HGS: variants seen among roughly 807,000 people sequenced by gnomAD.
The protein encoded by HGS is human growth factor-regulated tyrosine kinase substrate.
A neutral mutation model predicts 109.7 loss-of-function variants in HGS; 63 were observed. The ratio of observed to expected loss-of-function variants is 0.57; its 90% confidence interval spans 0.47 to 0.71. HGS has a LOEUF of 0.71. HGS is among the 30% of genes least tolerant of loss of function. The pLI is 0.00. For synonymous variants in HGS, 546 were observed against 437.3 expected (o/e 1.25, Z -3.10); for missense variants, 995 against 1,068.3 (o/e 0.93, Z 0.96).
At chr17:81,693,140 T>C (rs1489443572) in intron 8 of HGS, 3 of 254,968 alleles carry the variant, frequency 1.2e-5, no homozygotes. Flanking sequence ...GGCATGACAG[T>C]CACTGACCTG....
At position 81,693,937 on chromosome 17, in the gene HGS, C is replaced by G; in HGVS notation, c.908C>G (p.Pro303Arg). 6.2e-7 allele frequency: 1 copy of G among 1,611,384 alleles called. No homozygotes were observed. Among genetic ancestry groups the G allele is most frequent in the Non-Finnish European group, 8.5e-7 (1 of 1,179,758 alleles). Residue 303 changes from proline to arginine, a missense_variant, in exon 11 of 22, where the codon CCC (proline) becomes CGC (arginine). By Grantham distance (103) the Pro-to-Arg change is moderately radical (BLOSUM62 -2). Transcript: ENST00000329138. ...ATGCCCTCGGCCTCCTCAGCGCCCCCCGCCAGCAGCCTGTACTCTTCACCT... is the reference window on the plus strand; with the variant it reads ...ATGCCCTCGGCCTCCTCAGCGCCCCGCGCCAGCAGCCTGTACTCTTCACCT... ...EPMPSASSAP[P>R]ASSLYSSPVN... is the part of the protein sequence containing the mutation.
chr17:81,685,910 G>T (rs1171412250), intron 2 of HGS, among the ~76,000 whole-genome samples: 2 of 152,136 alleles, frequency 1.3e-5, no homozygotes, highest in African/African-American at 2.4e-5. Flanking sequence ...TTGCTTCGGG[G>T]TTCTCAAAGA....
chr17:81,691,408 C>T lies in HGS; in HGVS notation c.538-39C>T, dbSNP rs907924924. 1.9e-6 allele frequency: 3 copies of T among 1,611,850 alleles called. No homozygotes were observed. The highest frequency in any genetic ancestry group is 1.7e-5 in the Admixed American group (1 of 59,992). ...GGGCCGGGTGGCGCATCAGGGTCCC[C>T]CAGTGCCTGTGACCAGGCCCGCCCG... On this transcript the variant is annotated intron_variant, in intron 7 of 21. Coordinates refer to ENST00000329138, the MANE Select transcript of HGS (RefSeq NM_004712.5). The surrounding 1 kb of genome is among the most constrained non-coding windows in gnomAD (Gnocchi z 5.3).
At chr17:81,694,719 C>T in intron 11 of HGS, 96 bp from the exon 12 acceptor site, 2 of 1,492,340 alleles carry the variant, frequency 1.3e-6, no homozygotes, top group Non-Finnish European at 1.9e-6. Flanking sequence ...GGCTGCGGCT[C>T]TGGTCTCCAG....
chr17:81,699,064 C>T (rs2037194829), intron 18 of HGS, among the ~76,000 whole-genome samples: 1 of 145,658 alleles, frequency 6.9e-6, no homozygotes, highest in Admixed American at 6.8e-5. Flanking sequence ...GAGACTCCGT[C>T]TCAAAAAAAA....
At chr17:81,698,759 C>T (rs975881490) in intron 18 of HGS, among the ~76,000 whole-genome samples, 14 of 152,140 alleles carry the variant, frequency 9.2e-5, no homozygotes, top group African/African-American at 3.4e-4. Context: ...ATACATGCGT[C>T]TTTGTATATG....
chr17:81,689,848 C>T (rs542235034), intron 5 of HGS, among the ~76,000 whole-genome samples: 9 of 152,322 alleles, frequency 5.9e-5, no homozygotes, highest in South Asian at 2.1e-4. Flanking sequence ...AAGGTCTTGT[C>T]CTCAGGATCA....
Position 81,700,793 on chromosome 17 carries a change from C to G in HGS, c.2115C>G (p.Gly705=). ...GYMGSQSVSM[G]YQPYNMQNLM... ...TGGGGAGCCAGTCAGTCTCCATGGG[C>G]TACCAGCCTTACAACATGCAGGTAC... is the stretch of plus-strand genomic sequence containing the variant. Residue 705 remains glycine, a synonymous_variant, in exon 20 of 22, where the codon GGC becomes GGG. Coordinates refer to ENST00000329138, the MANE Select transcript of HGS (RefSeq NM_004712.5). 4.3e-6 allele frequency: 7 copies of G among 1,612,442 alleles called. No individual in the cohort carries two copies. Among genetic ancestry groups the G allele is most frequent in the Non-Finnish European group, 5.9e-6 (7 of 1,179,756 alleles).
At chr17:81,687,238 G>A (rs1232190072) in intron 4 of HGS, 143 bp downstream of exon 4, 8 of 650,596 alleles carry the variant, frequency 1.2e-5, no homozygotes, top group Non-Finnish European at 1.9e-5. Flanking sequence ...CACTGCGCAA[G>A]CTCGCACTCA....
At chr17:81,684,868 A>C (rs2036948675) in intron 1 of HGS, 1 of 979,294 alleles carries the variant, frequency 1.0e-6, no homozygotes, top group Non-Finnish European at 1.2e-6. Context: ...ACCAGCAAGC[A>C]GACTGAGTAT....
intron 4 of HGS, 135 bp from the exon 5 acceptor site, chr17:81,688,569 A>C: frequency 9.1e-7 from 1 of 1,100,730 alleles, no homozygotes; most frequent in Non-Finnish European, 1.3e-6. Context: ...CCCACGCCCC[A>C]CTCGGGGGGC....
intron 5 of HGS, 48 bp downstream of exon 5, chr17:81,688,875 G>A (rs1367676164): frequency 6.2e-7 from 1 of 1,611,778 alleles, no homozygotes. Flanking sequence ...GGAACTGCTG[G>A]GCAGTCAGGC....
At chr17:81,700,663 C>CCCTTCT (rs1568220353) in intron 19 of HGS, 32 bp from the exon 20 acceptor site, 10 of 1,521,604 alleles carry the variant, frequency 6.6e-6, no homozygotes, top group Non-Finnish European at 8.1e-6. Flanking sequence ...CAGCCCCAGC[C>CCCTTCT]CCTTCTCCCA....
intron 1 of HGS, chr17:81,685,199 C>A (rs897152676): frequency 2.5e-6 from 1 of 393,548 alleles, no homozygotes; most frequent in Non-Finnish European, 3.5e-6. Flanking sequence ...CCCATTGAAA[C>A]CGGGAGCATC....
intron 5 of HGS, 71 bp from the exon 6 acceptor site, chr17:81,690,111 T>G: frequency 1.3e-6 from 2 of 1,517,186 alleles, no homozygotes; most frequent in Middle Eastern, 1.7e-4. Context: ...CTGCCGAGAG[T>G]GAGGAAGGGG....
intron 4 of HGS, among the ~76,000 whole-genome samples, chr17:81,687,689 T>C (rs1340639072): frequency 6.6e-6 from 1 of 152,116 alleles, no homozygotes; most frequent in Admixed American, 6.6e-5. Context: ...GCAGGGACTG[T>C]GATGTGGACT....
chr17:81,696,589 C>T lies in HGS; in HGVS notation c.1567-18C>T, dbSNP rs763585416. ...CTGGGGGACCTCGCAGCATAACCAG[C>T]ATGTTTTTGCCGCACAGGAGTACCT... On this transcript the variant is annotated intron_variant, in intron 16 of 21. Transcript: ENST00000329138. 6 of 1,579,742 alleles carry T rather than the reference C, an allele frequency of 3.8e-6. No individual in the cohort carries two copies. The Admixed American group carries it at 5.3e-5, about 14-fold the overall frequency.
At chr17:81,688,901 G>A (rs2037023166) in intron 5 of HGS, 74 bp downstream of exon 5, 1 of 1,586,610 alleles carries the variant, frequency 6.3e-7, no homozygotes, top group Non-Finnish European at 8.6e-7. Context: ...GGGCACAGTG[G>A]CGAGGGGCCT....
At position 81,686,309 on chromosome 17, in the gene HGS, C is replaced by T. The variant is rs2036978454; in HGVS notation, c.123-3C>T. On this transcript the variant is annotated splice_region_variant and splice_polypyrimidine_tract_variant and intron_variant, in intron 2 of 21. Coordinates refer to ENST00000329138, the MANE Select transcript of HGS (RefSeq NM_004712.5). ...TCTGCTTTTATCAATGTTTCCTTTTCAGAGCAAAATATGCTGTGAATTCCA... is the reference window on the plus strand; with the variant it reads ...TCTGCTTTTATCAATGTTTCCTTTTTAGAGCAAAATATGCTGTGAATTCCA... 2.5e-6 allele frequency: 4 copies of T among 1,612,546 alleles called. No individual in the cohort carries two copies. The East Asian group carries it at 6.7e-5, about 27-fold the overall frequency.
Sources: gnomAD v4.1 joint callset for allele counts (sites outside exome capture counted in the v4.1 genomes callset) on GRCh38, gnomAD v4.1.1 for gene constraint, Gnocchi (gnomAD v3.1) non-coding constraint, MANE v1.5 for transcripts, NCBI Gene and HGNC (gene_info 2026-07-23, HGNC 2026-07-21) for gene names.